The following SLC10A6 variants were observed in gnomAD, a reference collection of about 807,000 sequenced individuals.
SLC10A6 encodes the protein sodium-dependent organic anion transporter.
A neutral mutation model predicts 30.0 loss-of-function variants in SLC10A6; 27 were observed. The ratio of observed to expected loss-of-function variants is 0.90; its 90% CI spans 0.66 to 1.24. The LOEUF is 1.24. Among genes scored for constraint, SLC10A6 ranks in the 50% most tolerant of loss-of-function variants. The pLI is 0.00. For synonymous variants in SLC10A6, 166 were observed against 173.8 expected (o/e 0.95, Z 0.36); for missense variants, 439 against 457.0 (o/e 0.96, Z 0.36).
chr4:86,832,841 A>G (rs1223318959), intron 2 of SLC10A6, among the ~76,000 whole-genome samples: 1 of 152,102 alleles, frequency 6.6e-6, no homozygotes, highest in Non-Finnish European at 1.5e-5. Context: ...CTCCAAGAAA[A>G]AGTCAAGGTT....
chr4:86,843,406 A>C (rs929155637), intron 1 of SLC10A6, among the ~76,000 whole-genome samples: 15 of 152,166 alleles, frequency 9.9e-5, no homozygotes, highest in African/African-American at 2.9e-4. Context: ...GATTATGGGG[A>C]CAGACAAGAG....
chr4:86,846,146 A>C (rs1467970976), intron 1 of SLC10A6, among the ~76,000 whole-genome samples: 1 of 152,196 alleles, frequency 6.6e-6, no homozygotes, highest in African/African-American at 2.4e-5. Flanking sequence ...GTTGGTATTC[A>C]ATTATGAAGA....
Position 86,837,281 on chromosome 4 carries a change from A to AG in SLC10A6, c.378-3858_378-3857insC, listed in dbSNP as rs1746208629. Among the ~76,000 whole-genome samples, 66 of 90,396 alleles carry AG rather than the reference A, an allele frequency of 7.3e-4. 2 individuals carry two copies. The highest frequency in any genetic ancestry group is 3.1e-3 in the African/African-American group (61 of 19,780). The allele number at this position is 90,396 out of a possible 152,430, so 59.3% of individuals were successfully genotyped here. A position where few individuals can be genotyped will look rare whatever the true frequency, so the allele number is the denominator to read the frequency against. On this transcript the variant is annotated intron_variant, in intron 1 of 5. Coordinates refer to ENST00000273905, the MANE Select transcript of SLC10A6 (RefSeq NM_197965.3). ...AAAGAAAGAAAGAAAGAAAGAAAGAAAGAAAAAGAAAGGAAGGAAGGAAGG... is the reference window on the plus strand; with the variant it reads ...AAAGAAAGAAAGAAAGAAAGAAAGAAGAGAAAAAGAAAGGAAGGAAGGAAGG...
chr4:86,848,698 G>A, intron 1 of SLC10A6, 41 bp downstream of exon 1: 1 of 1,530,382 alleles, frequency 6.5e-7, no homozygotes, highest in South Asian at 1.3e-5. Context: ...CCCCTAGGCA[G>A]GATAAGAGAC....
rs1475326216 is a variant in SLC10A6 at position 86,834,634 on chromosome 4, A to T, written c.378-1210T>A. On this transcript the variant is annotated intron_variant, in intron 1 of 5. Coordinates refer to ENST00000273905, the MANE Select transcript of SLC10A6 (RefSeq NM_197965.3). The stretch of plus-strand genomic sequence containing the variant: ...AATTTTTGCATGTATATTCATAAGA[A>T]CTATTGATCTGCAGTTTTCTTTTCT... Among the ~76,000 whole-genome samples the T allele has an allele frequency of 2.0e-5, 3 of 152,322 alleles. No homozygotes were observed. The East Asian group carries it at 5.8e-4, about 29-fold the overall frequency.
At chr4:86,829,434 C>T (rs924496860) in intron 3 of SLC10A6, among the ~76,000 whole-genome samples, 2 of 152,002 alleles carry the variant, frequency 1.3e-5, no homozygotes, top group Non-Finnish European at 2.9e-5. Flanking sequence ...AGAAAGAAAG[C>T]CTCTGAATGT....
rs769674952 is a variant in SLC10A6, at chr4:86,823,827, G to A, written c.995C>T (p.Thr332Met). 2.5e-5 allele frequency: 40 copies of A among 1,614,014 alleles called. No homozygotes were observed. The highest frequency in any genetic ancestry group is 3.3e-5 in the Admixed American group (2 of 60,006). Reference sequence around the variant, plus strand: ...CTCTCTGGAAGAAGTCGATTTCCTCGTATGGCAGACTTCTGTGCAACCTGA... The same window carrying A: ...CTCTCTGGAAGAAGTCGATTTCCTCATATGGCAGACTTCTGTGCAACCTGA... ...KNSGCTEVCH[T>M]RKSTSSRETN... The change falls in exon 6 of 6, where the codon ACG (threonine) becomes ATG (methionine). Residue 332 changes from threonine (T) to methionine (M), a missense_variant. Coordinates refer to ENST00000273905, the MANE Select transcript of SLC10A6 (RefSeq NM_197965.3).
At chr4:86,838,912 CAAA>C (rs149710895) in intron 1 of SLC10A6, among the ~76,000 whole-genome samples, 1,027 of 75,852 alleles carry the variant, frequency 0.014, 12 homozygotes, top group African/African-American at 0.042. Flanking sequence ...GACAGTGTCT[CAAA>C]AAAAAAAAAA....
Position 86,823,900 on chromosome 4 carries a change from A to T in SLC10A6, c.922T>A (p.Tyr308Asn), listed in dbSNP as rs373961468. ...TTCAATCTCCTCTTGTACGTCTGATATGCTAGGTGTTAAAACATACAAGTA... is the reference window on the plus strand; with the variant it reads ...TTCAATCTCCTCTTGTACGTCTGATTTGCTAGGTGTTAAAACATACAAGTA... ...LIDGFLIVAA[Y>N]QTYKRRLKNK... Residue 308 changes from tyrosine to asparagine, a missense_variant and splice_region_variant, in exon 6 of 6, where the codon TAT becomes AAT. By Grantham distance (143) the Tyr-to-Asn change is moderately radical (BLOSUM62 -2). Coordinates refer to ENST00000273905, the MANE Select transcript of SLC10A6 (RefSeq NM_197965.3). 57 of 1,604,492 alleles carry T rather than the reference A, an allele frequency of 3.6e-5. No individual in the cohort carries two copies. Among genetic ancestry groups the T allele is most frequent in the Non-Finnish European group, 4.6e-5 (54 of 1,175,046 alleles).
At chr4:86,831,666 G>A in intron 3 of SLC10A6, 126 bp downstream of exon 3, 1 of 750,230 alleles carries the variant, frequency 1.3e-6, no homozygotes, top group Non-Finnish European at 2.3e-6. Flanking sequence ...ACCACAGGAT[G>A]TGTAAGAAGA....
chr4:86,837,285 A>AAGAAAGAAAGAAAGAAAGAAAGAG, intron 1 of SLC10A6, among the ~76,000 whole-genome samples: 1 of 74,278 alleles, frequency 1.3e-5, no homozygotes, highest in South Asian at 4.5e-4. Flanking sequence ...GAAAGAAAGA[A>AAGAAAGAAAGAAAGAAAGAAAGAG]AAAGAAAGGA....
intron 1 of SLC10A6, among the ~76,000 whole-genome samples, chr4:86,838,788 T>G (rs1473212408): frequency 6.6e-6 from 1 of 151,678 alleles, no homozygotes; most frequent in Non-Finnish European, 1.5e-5. Context: ...CCGGGCATGG[T>G]GGCACACGCC....
intron 1 of SLC10A6, among the ~76,000 whole-genome samples, chr4:86,836,733 A>C (rs1388006305): frequency 6.6e-6 from 1 of 152,036 alleles, no homozygotes; most frequent in African/African-American, 2.4e-5. Context: ...CACATTTGTA[A>C]TTTGTTGCAG....
chr4:86,844,390 GAA>G (rs1053944402), intron 1 of SLC10A6, among the ~76,000 whole-genome samples: 1 of 151,930 alleles, frequency 6.6e-6, no homozygotes, highest in Admixed American at 6.6e-5. Flanking sequence ...ATATATTGGG[GAA>G]AAAAATGCCC....
intron 1 of SLC10A6, among the ~76,000 whole-genome samples, chr4:86,839,903 A>ATTTTTTTTTTT (rs33927377): frequency 1.4e-5 from 2 of 142,240 alleles, no homozygotes; most frequent in African/African-American, 5.2e-5. Context: ...TTACACTCTT[A>ATTTTTTTTTTT]TTTTTTTTTT....
chr4:86,845,770 A>C (rs1746382250), intron 1 of SLC10A6, among the ~76,000 whole-genome samples: 1 of 152,172 alleles, frequency 6.6e-6, no homozygotes, highest in African/African-American at 2.4e-5. Context: ...TTGGCAGTGG[A>C]TTGAGTGGCC....
intron 1 of SLC10A6, among the ~76,000 whole-genome samples, chr4:86,838,912 CAAAAAAAAAAA>C (rs149710895): frequency 1.3e-5 from 1 of 75,944 alleles, no homozygotes. Context: ...GACAGTGTCT[CAAAAAAAAAAA>C]AAAAAAAAAA....
intron 1 of SLC10A6, among the ~76,000 whole-genome samples, chr4:86,835,109 G>C (rs996820735): frequency 6.6e-6 from 1 of 152,176 alleles, no homozygotes; most frequent in South Asian, 2.1e-4. Context: ...ACATCAGCAA[G>C]TTAGAATGCC....
intron 4 of SLC10A6, among the ~76,000 whole-genome samples, chr4:86,826,376 C>T (rs974416722): frequency 6.6e-6 from 1 of 151,984 alleles, no homozygotes; most frequent in Admixed American, 6.6e-5. Flanking sequence ...GTCAGGAGTT[C>T]GAGACCAGCC....
Sources: gnomAD v4.1 joint callset for allele counts (sites outside exome capture counted in the v4.1 genomes callset) on GRCh38, gnomAD v4.1.1 for gene constraint, MANE v1.5 for transcripts, NCBI Gene and HGNC (gene_info 2026-07-23, HGNC 2026-07-21) for gene names.